The following BFSP1 variants were observed in gnomAD, a reference collection of about 807,000 sequenced individuals.
BFSP1 encodes beaded filament structural protein 1.
BFSP1 carries 38 observed loss-of-function variants against 43.9 expected under a neutral mutation model. The ratio of observed to expected loss-of-function variants is 0.87; its 90% confidence interval spans 0.67 to 1.14. BFSP1 has a LOEUF of 1.14. BFSP1 is among the 50% of genes most tolerant of loss of function. The pLI, the probability that BFSP1 is intolerant of heterozygous loss-of-function variation, is 0.00. For synonymous variants in BFSP1, 352 were observed against 354.8 expected, an observed-to-expected ratio of 0.99 and a Z score of 0.09; for missense variants, 850 against 875.1, an observed-to-expected ratio of 0.97 and a Z score of 0.36.
upstream of BFSP1, among the ~76,000 whole-genome samples, chr20:17,562,209 C>T (rs190946595): frequency 1.1e-4 from 16 of 151,692 alleles, no homozygotes; most frequent in East Asian, 1.0e-3. Flanking sequence ...CATGAGCCAC[C>T]GCGCCCGGAG....
At position 17,498,987 on chromosome 20, in the gene BFSP1, C is replaced by T. The variant is rs267605848; in HGVS notation, c.789G>A (p.Glu263=). 1.2e-6 allele frequency: 2 copies of T among 1,614,222 alleles called. No homozygotes were observed. The highest frequency in any genetic ancestry group is 1.7e-6 in the Non-Finnish European group (2 of 1,180,036). ...IKSAHECYDD[E]IQLYNEQIET... ...CAATCTGCTCGTTATAAAGCTGAAT[C>T]TCATCGTCATAACACTCATGGGCAC... is the stretch of plus-strand genomic sequence containing the variant. Residue 263 remains glutamate (E), a synonymous_variant, in exon 6 of 8, where the codon GAG becomes GAA. Coordinates refer to ENST00000377873, the MANE Select transcript of BFSP1 (RefSeq NM_001195.5).
chr20:17,524,629 T>C (rs147614515), intron 2 of BFSP1, among the ~76,000 whole-genome samples: 104 of 152,324 alleles, frequency 6.8e-4, no homozygotes, highest in Non-Finnish European at 1.4e-3. Flanking sequence ...ACAAGCTTCA[T>C]AGTCTGTGTT....
At chr20:17,564,687 C>G (rs1430037197) in intron 1 of BFSP1, among the ~76,000 whole-genome samples, 6 of 152,060 alleles carry the variant, frequency 3.9e-5, no homozygotes, top group African/African-American at 1.4e-4. Flanking sequence ...CTCCCGGGTT[C>G]AAGCGATTCT....
At chr20:17,524,027 T>C (rs1381743145) in intron 2 of BFSP1, among the ~76,000 whole-genome samples, 1 of 152,076 alleles carries the variant, frequency 6.6e-6, no homozygotes, top group East Asian at 1.9e-4. Flanking sequence ...GTTGTAGGCA[T>C]GGAAGGGGCG....
At chr20:17,552,845 T>C (rs2034916846) in intron 1 of BFSP1, among the ~76,000 whole-genome samples, 1 of 152,098 alleles carries the variant, frequency 6.6e-6, no homozygotes, top group Non-Finnish European at 1.5e-5. Context: ...TTATGAGAAG[T>C]TGAGATGTCT....
At position 17,525,116 on chromosome 20, in the gene BFSP1, G is replaced by A. The variant is rs1293194237; in HGVS notation, c.378-208C>T. ...TGGTACCATTTGCACACCGCGTGGGGTAACCAGGGGCAGTTAGCGGAATAG... is the reference window on the plus strand; with the variant it reads ...TGGTACCATTTGCACACCGCGTGGGATAACCAGGGGCAGTTAGCGGAATAG... On this transcript the variant is annotated intron_variant, in intron 1 of 7. Transcript: ENST00000377873. The surrounding 1 kb of genome is among the most constrained non-coding windows in gnomAD (Gnocchi z 4.2). Among the ~76,000 whole-genome samples the A allele has an allele frequency of 1.3e-5, 2 of 152,090 alleles. No individual in the cohort carries two copies. Among genetic ancestry groups the A allele is most frequent in the Non-Finnish European group, 2.9e-5 (2 of 68,028 alleles).
upstream of BFSP1, among the ~76,000 whole-genome samples, chr20:17,536,254 T>C (rs2034627107): frequency 5.3e-5 from 8 of 152,204 alleles, no homozygotes; most frequent in South Asian, 1.7e-3. Flanking sequence ...TTTTATTCCA[T>C]TTAAAGTTGT....
At chr20:17,537,309 G>T (rs1286925777) in intron 1 of BFSP1, among the ~76,000 whole-genome samples, 5 of 152,120 alleles carry the variant, frequency 3.3e-5, no homozygotes, top group Admixed American at 3.3e-4. Context: ...CTGTAGCCAG[G>T]CCTCTCCATG....
intron 5 of BFSP1, among the ~76,000 whole-genome samples, chr20:17,504,600 G>A (rs914245420): frequency 3.3e-5 from 5 of 152,228 alleles, no homozygotes; most frequent in Non-Finnish European, 7.3e-5. Flanking sequence ...GGGACTTCCA[G>A]AAAGGAGAGA....
At chr20:17,503,133 CA>C (rs770748329) in intron 5 of BFSP1, among the ~76,000 whole-genome samples, 56 of 152,192 alleles carry the variant, frequency 3.7e-4, no homozygotes, top group Non-Finnish European at 6.3e-4. Flanking sequence ...AAGTGGTCCC[CA>C]CACCTTTGTC....
intron 1 of BFSP1, among the ~76,000 whole-genome samples, chr20:17,546,114 G>A (rs1262845275): frequency 6.6e-6 from 1 of 152,144 alleles, no homozygotes; most frequent in African/African-American, 2.4e-5. Context: ...AACTTCCCAA[G>A]GCTGGGTAAT....
In BFSP1 at chr20:17,564,315, C is replaced by T. The variant is rs150212040; in HGVS notation, n.51-1220G>A. 2.2e-3 allele frequency among the ~76,000 whole-genome samples: 330 copies of T among 150,458 alleles called. 4 individuals are homozygous for T. Among genetic ancestry groups the T allele is most frequent in the African/African-American group, 7.6e-3 (309 of 40,880 alleles). ...CCAGGAGGTCAAGGCTGCAGTGAGC[C>T]GTGTTTGTACAACTGCACTCCAGCC... On this transcript the variant is annotated intron_variant and non_coding_transcript_variant, in intron 1 of 6. Coordinates refer to the BFSP1 transcript ENST00000473415.
rs775335712 is a variant in BFSP1, at chr20:17,494,876, A to G, written c.1196T>C (p.Leu399Pro). The stretch of plus-strand genomic sequence containing the variant: ...TTCCTCTTTAAGTACCACCTGTACC[A>G]GCTTTGTGTCTTCCAAACCTTTTAA... ...APLKGLEDTKLVQVVLKEESE... is the reference protein window; with the variant it reads ...APLKGLEDTKPVQVVLKEESE... The change falls in exon 8 of 8, where the codon CTG becomes CCG. Residue 399 changes from leucine to proline, a missense_variant. Coordinates refer to ENST00000377873, the MANE Select transcript of BFSP1 (RefSeq NM_001195.5). 3.7e-6 allele frequency: 6 copies of G among 1,614,246 alleles called. 1 individual carries two copies. In the South Asian group the frequency reaches 6.6e-5, roughly 18 times the overall value.
chr20:17,504,909 T>C lies in BFSP1; in HGVS notation c.735+3980A>G, dbSNP rs1568685180. ...CCAGACACCTTTAGGTGTAAGGTTT[T>C]TTTTTTGTTTTTGTTTTTGTTTTTG... On this transcript the variant is annotated intron_variant, in intron 5 of 7. Transcript: ENST00000377873. Among the ~76,000 whole-genome samples, 3 of 119,800 alleles carry C rather than the reference T, an allele frequency of 2.5e-5. No individual in the cohort carries two copies. The Admixed American group carries it at 2.5e-4, about 10-fold the overall frequency. 78.6% of individuals were successfully genotyped at this position (119,800 alleles called of 152,430 possible). A position where few individuals can be genotyped will look rare whatever the true frequency, so the allele number is the denominator to read the frequency against.
At position 17,526,778 on chromosome 20, in the gene BFSP1, C is replaced by A. The variant is rs185077329; in HGVS notation, c.378-1870G>T. ...CACAATGGCTGTACCATTTTACAGT[C>A]CCATCAACAGTCCATAATTTCTCCA... On this transcript the variant is annotated intron_variant, in intron 1 of 7. Transcript: ENST00000377873. 1.5e-3 allele frequency among the ~76,000 whole-genome samples: 221 copies of A among 152,298 alleles called. 1 individual carries two copies. The highest frequency in any genetic ancestry group is 5.1e-3 in the African/African-American group (214 of 41,564).
chr20:17,533,564 A>T (rs2034582795), upstream of BFSP1, among the ~76,000 whole-genome samples: 2 of 152,344 alleles, frequency 1.3e-5, no homozygotes, highest in South Asian at 4.1e-4. Context: ...GCCCAGCCAC[A>T]CAAGCTCATC....
Position 17,498,958 on chromosome 20 carries a change from G to C in BFSP1, c.818C>G (p.Thr273Arg), listed in dbSNP as rs1473341223. ...TGTCTCCTCAATCTCCTTGCGCAGT[G>C]TCTCAATCTGCTCGTTATAAAGCTG... ...EIQLYNEQIE[T>R]LRKEIEETER... The change falls in exon 6 of 8, where the codon ACA (threonine) becomes AGA (arginine). Residue 273 changes from threonine (T) to arginine (R), a missense_variant. By Grantham distance (71) the Thr-to-Arg change is moderately conservative. Coordinates refer to ENST00000377873, the MANE Select transcript of BFSP1 (RefSeq NM_001195.5). 1.2e-6 allele frequency: 2 copies of C among 1,614,152 alleles called. No individual in the cohort carries two copies. Among genetic ancestry groups the C allele is most frequent in the South Asian group, 2.2e-5 (2 of 91,080 alleles).
At chr20:17,529,064 A>AGT (rs11473581) in intron 1 of BFSP1, among the ~76,000 whole-genome samples, 50,864 of 147,094 alleles carry the variant, frequency 0.35, 8,738 homozygotes, top group African/African-American at 0.42. Context: ...TGGTTAAATA[A>AGT]GTGTGTGTGT....
Position 17,531,275 on chromosome 20 carries a change from C to G in BFSP1, c.55G>C (p.Asp19His). The change falls in exon 1 of 8, where the codon GAC becomes CAC. Residue 19 changes from aspartate (D) to histidine (H), a missense_variant. Coordinates refer to ENST00000377873, the MANE Select transcript of BFSP1 (RefSeq NM_001195.5). The part of the protein sequence containing the change: ...QTRKEQYEHA[D>H]EASRAAEPER... ...GGCTCGGCGGCGCGCGAAGCCTCGT[C>G]GGCGTGCTCGTACTGCTCCTTGCGG... 1 of 1,459,088 alleles carries G rather than the reference C, an allele frequency of 6.9e-7. No individual in the cohort carries two copies. The highest frequency in any genetic ancestry group is 2.3e-5 in the Admixed American group (1 of 42,920). 90.4% of individuals were successfully genotyped at this position (1,459,088 alleles called of 1,614,324 possible).
Sources: gnomAD v4.1 joint callset for allele counts (sites outside exome capture counted in the v4.1 genomes callset) on GRCh38, gnomAD v4.1.1 for gene constraint, Gnocchi (gnomAD v3.1) non-coding constraint, MANE v1.5 for transcripts, NCBI Gene and HGNC (gene_info 2026-07-23, HGNC 2026-07-21) for gene names.